The following SEC16B variants were observed in gnomAD, a reference collection of about 807,000 sequenced individuals.
SEC16B encodes protein transport protein Sec16B.
A neutral mutation model predicts 141.8 loss-of-function variants in SEC16B; 115 were observed. That is an observed-to-expected ratio of 0.81 (90% CI 0.70 to 0.95). The LOEUF (loss-of-function observed/expected upper bound fraction) is 0.95, where lower values mean the gene tolerates loss of function less well. Among genes scored for constraint, SEC16B ranks in the 40% least tolerant of loss-of-function variants. The probability of loss-of-function intolerance (pLI) is 0.00; values close to 1 mark genes in which losing one functional copy is unlikely to be tolerated. For synonymous variants in SEC16B, 493 were observed against 492.5 expected (o/e 1.00, Z -0.01); for missense variants, 1,291 against 1,312.3 (o/e 0.98, Z 0.25).
At chr1:177,945,218 G>C (rs1651593193) in intron 14 of SEC16B, 1 of 152,392 alleles carries the variant, frequency 6.6e-6, no homozygotes, top group Non-Finnish European at 1.5e-5. Context: ...GTGAGGATGG[G>C]GACTGAGTGA....
intron 10 of SEC16B, among the ~76,000 whole-genome samples, chr1:177,955,050 A>G (rs1652491175): frequency 6.6e-6 from 1 of 152,176 alleles, no homozygotes; most frequent in South Asian, 2.1e-4. Flanking sequence ...AGCCCTAAAA[A>G]CAAAAAGAGC....
chr1:177,951,319 A>G (rs779001173), intron 12 of SEC16B, among the ~76,000 whole-genome samples: 3 of 152,216 alleles, frequency 2.0e-5, no homozygotes, highest in Non-Finnish European at 4.4e-5. Context: ...ATAATCTAGT[A>G]AAGTGACTGG....
At chr1:177,947,565 G>A (rs1393982046) in intron 13 of SEC16B, among the ~76,000 whole-genome samples, 2 of 151,922 alleles carry the variant, frequency 1.3e-5, no homozygotes, top group Non-Finnish European at 2.9e-5. Flanking sequence ...AGAAGGACAC[G>A]TGTTTCCCTG....
At chr1:177,955,795 T>C (rs552125138) in intron 10 of SEC16B, among the ~76,000 whole-genome samples, 18 of 152,370 alleles carry the variant, frequency 1.2e-4, no homozygotes, top group African/African-American at 4.3e-4. Flanking sequence ...TCATAAACTA[T>C]ATCCTTTGAC....
intron 2 of SEC16B, among the ~76,000 whole-genome samples, chr1:177,967,263 C>T (rs1291354450): frequency 1.3e-5 from 2 of 152,144 alleles, no homozygotes; most frequent in African/African-American, 4.8e-5. Context: ...TCATGCTAAT[C>T]CCAAGGTAGA....
intron 12 of SEC16B, among the ~76,000 whole-genome samples, chr1:177,948,222 T>C (rs1384654523): frequency 2.0e-5 from 3 of 152,214 alleles, no homozygotes; most frequent in Non-Finnish European, 4.4e-5. Context: ...ACTTACTATT[T>C]TTCACATTTC....
chr1:177,935,375 C>T (rs1219724224), intron 20 of SEC16B, among the ~76,000 whole-genome samples: 1 of 151,908 alleles, frequency 6.6e-6, no homozygotes, highest in Non-Finnish European at 1.5e-5. Flanking sequence ...TTCGTCATGC[C>T]AATATTAAAA....
chr1:177,943,352 T>C (rs1571317695), intron 15 of SEC16B, among the ~76,000 whole-genome samples: 1 of 152,246 alleles, frequency 6.6e-6, no homozygotes, highest in African/African-American at 2.4e-5. Context: ...GACAGGTTGA[T>C]AGGTGCAGCA....
chr1:177,958,560 C>G, intron 9 of SEC16B, 198 bp from the exon 10 acceptor site: 1 of 606,968 alleles, frequency 1.6e-6, no homozygotes, highest in South Asian at 2.4e-5. Flanking sequence ...CTGTCAGGAG[C>G]CATAAAGCTT....
chr1:177,955,189 T>C (rs796859670), intron 10 of SEC16B, among the ~76,000 whole-genome samples: 13 of 151,030 alleles, frequency 8.6e-5, no homozygotes, highest in African/African-American at 1.2e-4. Flanking sequence ...GAATTGAATG[T>C]ATTCATTTCA....
At chr1:177,963,189 A>T (rs1283386322) in intron 5 of SEC16B, among the ~76,000 whole-genome samples, 1 of 152,026 alleles carries the variant, frequency 6.6e-6, no homozygotes, top group Non-Finnish European at 1.5e-5. Flanking sequence ...CTGTCATTGT[A>T]TTGTTACTAT....
chr1:177,945,309 G>A (rs1246101916), intron 14 of SEC16B: 1 of 152,218 alleles, frequency 6.6e-6, no homozygotes, highest in Non-Finnish European at 1.5e-5. Flanking sequence ...TTGCTATGGT[G>A]TTTAAAAACC....
chr1:177,930,305 T>C (rs1650319983), intron 25 of SEC16B, among the ~76,000 whole-genome samples: 1 of 152,178 alleles, frequency 6.6e-6, no homozygotes, highest in Non-Finnish European at 1.5e-5. Context: ...AATTTAAACA[T>C]GATATTAATA....
chr1:177,973,844 A>G (rs1382436744), upstream of SEC16B, among the ~76,000 whole-genome samples: 2 of 152,166 alleles, frequency 1.3e-5, no homozygotes, highest in Admixed American at 6.5e-5. Context: ...TAATGGATAT[A>G]TCACTGATTT....
chr1:177,960,382 C>T lies in SEC16B; in HGVS notation c.958G>A (p.Glu320Lys). The change falls in exon 8 of 26, where the codon GAG becomes AAG. Residue 320 changes from glutamate (E) to lysine (K), a missense_variant. By Grantham distance (56) the Glu-to-Lys change is moderately conservative. Transcript: ENST00000308284. ...SMEVILNDSE[E>K]QEEMRSFSGP... is the part of the protein sequence containing the mutation. ...GAGAAACTTCTCATCTCCTCTTGCTCTTCGGAATCATTAAGAATAACCTGG... is the reference window on the plus strand; with the variant it reads ...GAGAAACTTCTCATCTCCTCTTGCTTTTCGGAATCATTAAGAATAACCTGG... 2 of 1,603,904 alleles carry T rather than the reference C, an allele frequency of 1.2e-6. No homozygotes were observed. The highest frequency in any genetic ancestry group is 1.7e-6 in the Non-Finnish European group (2 of 1,173,540).
upstream of SEC16B, among the ~76,000 whole-genome samples, chr1:177,971,207 G>C (rs747245706): frequency 6.6e-6 from 1 of 151,842 alleles, no homozygotes; most frequent in African/African-American, 2.4e-5. Context: ...TCAGCCTCCC[G>C]AGTAGCTGGG....
At chr1:177,952,065 A>T in intron 11 of SEC16B, 70 bp from the exon 12 acceptor site, 1 of 1,275,974 alleles carries the variant, frequency 7.8e-7, no homozygotes, top group Non-Finnish European at 1.1e-6. Flanking sequence ...CACAAGGCTC[A>T]GGGCCTTGCA....
intron 12 of SEC16B, 45 bp downstream of exon 12, chr1:177,951,869 C>T: frequency 6.6e-7 from 1 of 1,510,668 alleles, no homozygotes; most frequent in Non-Finnish European, 9.0e-7. Context: ...CCCCCTCAAG[C>T]CCTTGGGATG....
chr1:177,977,592 G>A (rs1046129540), intron 1 of SEC16B, among the ~76,000 whole-genome samples: 1 of 152,146 alleles, frequency 6.6e-6, no homozygotes, highest in Non-Finnish European at 1.5e-5. Context: ...ACTTCCTGAT[G>A]CATGATACAC....
Sources: allele counts gnomAD v4.1 joint callset (sites outside exome capture counted in the v4.1 genomes callset), GRCh38; gene constraint gnomAD v4.1.1; transcripts MANE v1.5; gene names NCBI Gene and HGNC (gene_info 2026-07-23, HGNC 2026-07-21).